XXYLT1: variants seen among roughly 807,000 people sequenced by gnomAD.
XXYLT1 encodes UDP-xylose:alpha-xyloside alpha-1,3-xylosyltransferase.
Under a neutral mutation model 28.9 loss-of-function variants are expected in XXYLT1, and 20 were observed. The observed-to-expected ratio is 0.69, with a 90% CI of 0.49 to 1.00. XXYLT1 has a LOEUF of 1.00. Ranked by LOEUF, XXYLT1 falls within the 50% of genes least tolerant of loss-of-function variation. The probability of loss-of-function intolerance (pLI) is 0.00; values close to 1 mark genes in which losing one functional copy is unlikely to be tolerated. For missense variants in XXYLT1, 542 were observed against 560.1 expected, an observed-to-expected ratio of 0.97 and a Z score of 0.33; for synonymous variants, 257 against 253.8, an observed-to-expected ratio of 1.01 and a Z score of -0.12.
rs145982770 is a variant in XXYLT1 at position 195,249,402 on chromosome 3, C to T, written c.504+21153G>A. Among the ~76,000 whole-genome samples the T allele has an allele frequency of 6.6e-3, 1,001 of 152,294 alleles. 12 individuals carry two copies. The highest frequency in any genetic ancestry group is 0.023 in the African/African-American group (965 of 41,558). ...CTCACATCAGCACACAATGGCCACG[C>T]GGCTCACACCAGGCGCATGGCACGT... On this transcript the variant is annotated intron_variant, in intron 1 of 3. Transcript: ENST00000310380.
At chr3:195,101,590 T>C (rs901705307) in intron 3 of XXYLT1, among the ~76,000 whole-genome samples, 2 of 152,176 alleles carry the variant, frequency 1.3e-5, no homozygotes, top group African/African-American at 4.8e-5. Flanking sequence ...GTAGCTCTAA[T>C]TAACATATTT....
intron 2 of XXYLT1, among the ~76,000 whole-genome samples, chr3:195,215,792 G>A (rs1407331035): frequency 2.0e-5 from 3 of 152,098 alleles, no homozygotes; most frequent in Admixed American, 6.5e-5. Flanking sequence ...GGATACCCAC[G>A]AATTGAACTC....
chr3:195,143,483 A>G (rs983173062), intron 3 of XXYLT1, among the ~76,000 whole-genome samples: 1 of 152,094 alleles, frequency 6.6e-6, no homozygotes, highest in Admixed American at 6.6e-5. Flanking sequence ...AAATCAGAAC[A>G]TCTGGTAACA....
chr3:195,247,265 G>A (rs1204260727), intron 1 of XXYLT1, among the ~76,000 whole-genome samples: 9 of 152,180 alleles, frequency 5.9e-5, no homozygotes, highest in Non-Finnish European at 1.2e-4. Context: ...GAGGGTGGTC[G>A]GTCACAGTCC....
chr3:195,110,742 CAT>C (rs1373773842), intron 3 of XXYLT1, among the ~76,000 whole-genome samples: 1 of 62,280 alleles, frequency 1.6e-5, no homozygotes, highest in East Asian at 3.4e-4. Flanking sequence ...TGTATGTGTG[CAT>C]GTGTGTGGTG....
rs1160104340 is a variant in XXYLT1 at position 195,256,757 on chromosome 3, A to G, written c.504+13798T>C. On this transcript the variant is annotated intron_variant, in intron 1 of 3. Coordinates refer to ENST00000310380, the MANE Select transcript of XXYLT1 (RefSeq NM_152531.5). The surrounding 1 kb of genome is among the most constrained non-coding windows in gnomAD (Gnocchi z 4.2). ...TAACAGAAGCCAGGGTCAGAGGAAG[A>G]CCCAGAACTCAGGATCAATAACATC... is the stretch of plus-strand genomic sequence containing the variant. Among the ~76,000 whole-genome samples the G allele has an allele frequency of 2.6e-5, 4 of 152,196 alleles. No homozygotes were observed. The highest frequency in any genetic ancestry group is 4.4e-5 in the Non-Finnish European group (3 of 68,038).
intron 2 of XXYLT1, among the ~76,000 whole-genome samples, chr3:195,224,926 C>T (rs1227892126): frequency 2.6e-5 from 4 of 152,210 alleles, no homozygotes; most frequent in Non-Finnish European, 5.9e-5. Flanking sequence ...ATCTGTCTGC[C>T]CTCTAGAATC....
At chr3:195,249,099 G>A (rs1361799833) in intron 1 of XXYLT1, among the ~76,000 whole-genome samples, 1 of 152,186 alleles carries the variant, frequency 6.6e-6, no homozygotes, top group African/African-American at 2.4e-5. Context: ...AATTGTAGAT[G>A]CCCTATTCAC....
intron 3 of XXYLT1, among the ~76,000 whole-genome samples, chr3:195,071,673 G>T (rs999728877): frequency 1.3e-5 from 2 of 148,418 alleles, no homozygotes; most frequent in African/African-American, 5.1e-5. Context: ...CGGTGATAGG[G>T]TCACACAGGG....
chr3:195,160,834 G>A (rs1720834263), intron 2 of XXYLT1, among the ~76,000 whole-genome samples: 1 of 152,236 alleles, frequency 6.6e-6, no homozygotes, highest in South Asian at 2.1e-4. Flanking sequence ...GTGTCCCCAA[G>A]GGGATGTGCG....
At chr3:195,213,845 G>T (rs1355981723) in intron 2 of XXYLT1, among the ~76,000 whole-genome samples, 1 of 152,104 alleles carries the variant, frequency 6.6e-6, no homozygotes, top group Non-Finnish European at 1.5e-5. Context: ...AGGCCTACAT[G>T]GTCACTATTC....
intron 2 of XXYLT1, among the ~76,000 whole-genome samples, chr3:195,211,308 C>T (rs770020705): frequency 5.9e-5 from 9 of 152,152 alleles, no homozygotes; most frequent in Non-Finnish European, 1.2e-4. Context: ...GCAGGAGAAT[C>T]GCTTGAACCA....
At position 195,124,077 on chromosome 3, in the gene XXYLT1, C is replaced by T. The variant is rs1048066748; in HGVS notation, c.785+32372G>A. ...TCTAGAAGAGGGGGAATAAAATGTACGTATTTCTCAAACTTACTTGATCAT... is the reference window on the plus strand; with the variant it reads ...TCTAGAAGAGGGGGAATAAAATGTATGTATTTCTCAAACTTACTTGATCAT... On this transcript the variant is annotated intron_variant, in intron 3 of 3. Transcript: ENST00000310380. This position sits in a 1 kb window ranked among gnomAD's most constrained non-coding sequence, Gnocchi z 4.1. Among the ~76,000 whole-genome samples the T allele has an allele frequency of 5.3e-5, 8 of 152,212 alleles. No individual in the cohort carries two copies. Among genetic ancestry groups the T allele is most frequent in the Non-Finnish European group, 8.8e-5 (6 of 68,046 alleles).
At chr3:195,159,693 C>T (rs987304977) in intron 2 of XXYLT1, among the ~76,000 whole-genome samples, 2 of 152,268 alleles carry the variant, frequency 1.3e-5, no homozygotes, top group Non-Finnish European at 2.9e-5. Context: ...CCTGGCTGTC[C>T]AGGGGACTAT....
chr3:195,088,416 C>A (rs1715919247), intron 3 of XXYLT1, among the ~76,000 whole-genome samples: 2 of 144,500 alleles, frequency 1.4e-5, no homozygotes, highest in Non-Finnish European at 3.1e-5. Flanking sequence ...CACCCCCCAG[C>A]GGGGCACCTC....
In XXYLT1 at chr3:195,255,076, C is replaced by G. The variant is rs561623776; in HGVS notation, c.504+15479G>C. ...AACTGCCCCAGGCTGGGAAATTCACCAGCACTGCGGACAGAGCAGGGGATA... is the reference window on the plus strand; with the variant it reads ...AACTGCCCCAGGCTGGGAAATTCACGAGCACTGCGGACAGAGCAGGGGATA... On this transcript the variant is annotated intron_variant, in intron 1 of 3. Coordinates refer to ENST00000310380, the MANE Select transcript of XXYLT1 (RefSeq NM_152531.5). The surrounding 1 kb of genome is among the most constrained non-coding windows in gnomAD (Gnocchi z 4.5). 3.2e-3 allele frequency among the ~76,000 whole-genome samples: 484 copies of G among 152,298 alleles called. 2 individuals are homozygous for G. The highest frequency in any genetic ancestry group is 0.011 in the African/African-American group (465 of 41,554).
In XXYLT1 at chr3:195,166,709, G is replaced by T. The variant is rs1041485441; in HGVS notation, c.653-10128C>A. ...ATTGATTTATTGATTTTGAGATGGAGTCTCACTCTTTCACCAGGCTGGAGT... is the reference window on the plus strand; with the variant it reads ...ATTGATTTATTGATTTTGAGATGGATTCTCACTCTTTCACCAGGCTGGAGT... On this transcript the variant is annotated intron_variant, in intron 2 of 3. Coordinates refer to ENST00000310380, the MANE Select transcript of XXYLT1 (RefSeq NM_152531.5). 7.9e-5 allele frequency among the ~76,000 whole-genome samples: 12 copies of T among 152,108 alleles called. No homozygotes were observed. The East Asian group carries it at 2.3e-3, about 29-fold the overall frequency.
chr3:195,122,301 C>T (rs1718402060), intron 3 of XXYLT1: 1 of 621,208 alleles, frequency 1.6e-6, no homozygotes, highest in Admixed American at 2.5e-5. Flanking sequence ...TCCATTGCAC[C>T]CCTCAGTAGT....
At chr3:195,137,279 T>C (rs1180411364) in intron 3 of XXYLT1, among the ~76,000 whole-genome samples, 1 of 152,196 alleles carries the variant, frequency 6.6e-6, no homozygotes, top group African/African-American at 2.4e-5. Flanking sequence ...GCTTTAATAA[T>C]GGTGCTTCAA....
Sources: gnomAD v4.1 joint callset for allele counts (sites outside exome capture counted in the v4.1 genomes callset) on GRCh38, gnomAD v4.1.1 for gene constraint, Gnocchi (gnomAD v3.1) non-coding constraint, MANE v1.5 for transcripts, NCBI Gene and HGNC (gene_info 2026-07-23, HGNC 2026-07-21) for gene names.